CCDC81: variants seen among roughly 807,000 people sequenced by gnomAD.
CCDC81 encodes the protein coiled-coil domain-containing protein 81.
In CCDC81, 79 loss-of-function variants were observed where a neutral mutation model predicts 83.7. The ratio of observed to expected loss-of-function variants is 0.94; its 90% confidence interval spans 0.79 to 1.14. The LOEUF is 1.14. CCDC81 is among the 50% of genes most tolerant of loss of function. CCDC81 has a pLI of 0.00. For missense variants in CCDC81, 791 were observed against 778.1 expected (o/e 1.02, Z -0.20); for synonymous variants, 252 against 278.1 (o/e 0.91, Z 0.93).
chr11:86,397,651 G>T lies in CCDC81; in HGVS notation c.666G>T (p.Leu222=). ...AGCTCAAGGAGATGGAAAACAAACT[G>T]CCTATGGAGACCCTTGTAGAAGAAT... ...RIELKEMENK[L]PMETLVEECG... Residue 222 remains leucine (L), a synonymous_variant, in exon 6 of 15, where the codon CTG becomes CTT. Coordinates refer to ENST00000445632, the MANE Select transcript of CCDC81 (RefSeq NM_001156474.2). 6.2e-7 allele frequency: 1 copy of T among 1,613,472 alleles called. No individual in the cohort carries two copies. The highest frequency in any genetic ancestry group is 2.2e-5 in the East Asian group (1 of 44,846).
Position 86,395,422 on chromosome 11 carries a change from T to C in CCDC81, c.635+9T>C. On this transcript the variant is annotated intron_variant, in intron 5 of 14. Coordinates refer to ENST00000445632, the MANE Select transcript of CCDC81 (RefSeq NM_001156474.2). ...GTGCTTGCGTTTCCAAGGTGAGTGC[T>C]TTGCTTCACGGGTTCCTCTAGGCAC... 4 of 1,612,430 alleles carry C rather than the reference T, an allele frequency of 2.5e-6. No individual in the cohort carries two copies. The highest frequency in any genetic ancestry group is 3.4e-6 in the Non-Finnish European group (4 of 1,178,564).
chr11:86,375,567 C>T (rs901350300), intron 1 of CCDC81, among the ~76,000 whole-genome samples: 7 of 152,150 alleles, frequency 4.6e-5, no homozygotes, highest in Non-Finnish European at 8.8e-5. Context: ...ACCCTTTTGC[C>T]TACCTAGAGA....
chr11:86,402,785 T>G (rs1292930438), intron 7 of CCDC81, among the ~76,000 whole-genome samples: 2 of 152,124 alleles, frequency 1.3e-5, no homozygotes, highest in Non-Finnish European at 2.9e-5. Flanking sequence ...AGTGAAATGA[T>G]GGTATTTCAT....
At chr11:86,377,857 G>GT (rs1948118293) in intron 1 of CCDC81, among the ~76,000 whole-genome samples, 1 of 149,772 alleles carries the variant, frequency 6.7e-6, no homozygotes, top group Non-Finnish European at 1.5e-5. Context: ...GATCATCTAA[G>GT]TTTTGTCCTA....
At chr11:86,397,135 T>C (rs1209554885) in intron 5 of CCDC81, among the ~76,000 whole-genome samples, 1 of 146,326 alleles carries the variant, frequency 6.8e-6, no homozygotes, top group East Asian at 2.0e-4. Flanking sequence ...CTGCTGCAAA[T>C]TGTAGCTTTG....
At chr11:86,412,289 A>G (rs1218512330) in intron 10 of CCDC81, 98 bp from the exon 11 acceptor site, 3 of 1,006,860 alleles carry the variant, frequency 3.0e-6, no homozygotes, top group Non-Finnish European at 4.4e-6. Context: ...CAAATATTAT[A>G]AATTAAGAAA....
Position 86,407,641 on chromosome 11 carries a change from C to A in CCDC81, c.909C>A (p.His303Gln), listed in dbSNP as rs61736174. The A allele has an allele frequency of 0.019, 31,278 of 1,612,820 alleles. 388 individuals carry two copies. Among genetic ancestry groups the A allele is most frequent in the South Asian group, 0.023 (2,118 of 90,926 alleles). Residue 303 changes from histidine (H) to glutamine (Q), a missense_variant, in exon 8 of 15, where the codon CAC becomes CAA. Transcript: ENST00000445632. ...TATCATATCCAAGTTGTCTGAAACA[C>A]GACAGTGAGATGAAGCCCCAAACAT... ...ESLSYPSCLK[H>Q]DSEMKPQTSP...
intron 5 of CCDC81, among the ~76,000 whole-genome samples, chr11:86,396,878 C>A (rs17818702): frequency 0.38 from 57,371 of 152,024 alleles, 12,019 homozygotes; most frequent in Non-Finnish European, 0.47. Context: ...CTTAGGCACT[C>A]CAGGAGGGAA....
chr11:86,397,899 T>G lies in CCDC81; in HGVS notation c.757+157T>G, dbSNP rs562800388. 3.9e-5 allele frequency among the ~76,000 whole-genome samples: 6 copies of G among 152,144 alleles called. No individual in the cohort carries two copies. In the East Asian group the frequency reaches 9.7e-4, roughly 24 times the overall value. On this transcript the variant is annotated intron_variant, in intron 6 of 14. Coordinates refer to ENST00000445632, the MANE Select transcript of CCDC81 (RefSeq NM_001156474.2). ...TGGAGTCTCGCTGTTGCCCAGGCTG[T>G]AGTGCAGTGGCATAATCTCAGCTCA... is the stretch of plus-strand genomic sequence containing the variant.
chr11:86,392,592 C>T lies in CCDC81; in HGVS notation c.350C>T (p.Pro117Leu). The T allele has an allele frequency of 6.4e-7, 1 of 1,551,612 alleles. No homozygotes were observed. The highest frequency in any genetic ancestry group is 8.7e-7 in the Non-Finnish European group (1 of 1,146,956). Residue 117 changes from proline (P) to leucine (L), a missense_variant, in exon 4 of 15, where the codon CCA (proline) becomes CTA (leucine). By Grantham distance (98) the Pro-to-Leu change is moderately conservative. Transcript: ENST00000445632. Reference protein sequence around the residue: ...LNFVMISLEGPFNRDVVEGCV... With the variant: ...LNFVMISLEGLFNRDVVEGCV... ...TTTGTCATGATATCCCTGGAGGGTC[C>T]ATTTAACAGAGATGTAGTGGAAGGA...
intron 8 of CCDC81, 81 bp downstream of exon 8, chr11:86,407,782 C>A: frequency 9.3e-7 from 1 of 1,070,308 alleles, no homozygotes; most frequent in African/African-American, 1.6e-5. Flanking sequence ...GGGAATCTCT[C>A]TTCCTTAATT....
chr11:86,395,194 G>C (rs1053178213), intron 4 of CCDC81, 140 bp from the exon 5 acceptor site: 1 of 593,728 alleles, frequency 1.7e-6, no homozygotes, highest in Non-Finnish European at 3.0e-6. Context: ...GGATTTTTAA[G>C]CTCTGGACTT....
At chr11:86,411,165 A>G (rs1948636830) in intron 10 of CCDC81, among the ~76,000 whole-genome samples, 1 of 151,676 alleles carries the variant, frequency 6.6e-6, no homozygotes, top group South Asian at 2.1e-4. Context: ...ACACGCTTTG[A>G]CTCCTGCCTT....
At chr11:86,385,215 C>T (rs1948225566) in intron 1 of CCDC81, among the ~76,000 whole-genome samples, 1 of 151,644 alleles carries the variant, frequency 6.6e-6, no homozygotes, top group Admixed American at 6.6e-5. Context: ...TGGCGAAACC[C>T]TGTCTCTACT....
chr11:86,408,023 A>G, intron 8 of CCDC81, 104 bp from the exon 9 acceptor site: 1 of 1,107,968 alleles, frequency 9.0e-7, no homozygotes. Flanking sequence ...TCCATTAATA[A>G]TAGGTTTCTT....
chr11:86,392,644 A>G lies in CCDC81; in HGVS notation c.402A>G (p.Leu134=). The change falls in exon 4 of 15, where the codon TTA becomes TTG. Residue 134 remains leucine (L), a synonymous_variant. Coordinates refer to ENST00000445632, the MANE Select transcript of CCDC81 (RefSeq NM_001156474.2). The part of the protein sequence containing the change: ...EGCVKETLLF[L]SRSISMKQNV... Reference sequence around the variant, plus strand: ...GTGTGAAGGAGACGTTGCTTTTTTTATCGCGTTCCATTTCCATGAAACAAA... The same window carrying G: ...GTGTGAAGGAGACGTTGCTTTTTTTGTCGCGTTCCATTTCCATGAAACAAA... 6.4e-7 allele frequency: 1 copy of G among 1,551,626 alleles called. No homozygotes were observed. Among genetic ancestry groups the G allele is most frequent in the Non-Finnish European group, 8.7e-7 (1 of 1,146,948 alleles).
At position 86,387,657 on chromosome 11, in the gene CCDC81, A is replaced by C; in HGVS notation, c.283A>C (p.Lys95Gln). ...LVQIHGLKQN[K>Q]VYTPGEIPIV... ...GCAGATTCATGGACTCAAACAAAAC[A>C]AAGTATATACTCCTGGTAAATAATT... The change falls in exon 3 of 15, where the codon AAA (lysine) becomes CAA (glutamine). Residue 95 changes from lysine (K) to glutamine (Q), a missense_variant. Lys to Gln is a moderately conservative substitution (Grantham distance 53). Transcript: ENST00000445632. The C allele has an allele frequency of 6.2e-7, 1 of 1,601,544 alleles. No individual in the cohort carries two copies. The highest frequency in any genetic ancestry group is 1.1e-5 in the South Asian group (1 of 90,206).
intron 7 of CCDC81, among the ~76,000 whole-genome samples, chr11:86,401,272 T>C (rs1220524409): frequency 6.6e-6 from 1 of 152,226 alleles, no homozygotes; most frequent in Non-Finnish European, 1.5e-5. Context: ...CGTTTTCTTC[T>C]TGTGATGGTA....
rs1174848757 is a variant in CCDC81, at chr11:86,392,480, A to T, written c.299-61A>T. ...AGATAATTATTTGTGAGTGTGTATGATATGTCCTTATGGTAATCACCACTT... is the reference window on the plus strand; with the variant it reads ...AGATAATTATTTGTGAGTGTGTATGTTATGTCCTTATGGTAATCACCACTT... On this transcript the variant is annotated intron_variant, in intron 3 of 14. Coordinates refer to ENST00000445632, the MANE Select transcript of CCDC81 (RefSeq NM_001156474.2). 2.0e-6 allele frequency: 3 copies of T among 1,512,960 alleles called. No individual in the cohort carries two copies. In the African/African-American group the frequency reaches 4.2e-5, roughly 21 times the overall value. 93.7% of individuals were successfully genotyped at this position (1,512,960 alleles called of 1,614,324 possible).
Sources: allele counts gnomAD v4.1 joint callset (sites outside exome capture counted in the v4.1 genomes callset), GRCh38; gene constraint gnomAD v4.1.1; transcripts MANE v1.5; gene names NCBI Gene and HGNC (gene_info 2026-07-23, HGNC 2026-07-21).